The following DNAJC1 variants were observed in gnomAD, a reference collection of about 807,000 sequenced individuals.
The protein encoded by DNAJC1 is dnaJ homolog subfamily C member 1.
A neutral mutation model predicts 76.6 loss-of-function variants in DNAJC1; 58 were observed. That is an observed-to-expected ratio of 0.76 (90% CI 0.61 to 0.94). The LOEUF (loss-of-function observed/expected upper bound fraction) is 0.94. DNAJC1 is among the 40% of genes least tolerant of loss of function. DNAJC1 has a pLI of 0.00. For missense variants in DNAJC1, 689 were observed against 677.3 expected (o/e 1.02, Z -0.19); for synonymous variants, 258 against 267.9 (o/e 0.96, Z 0.36).
chr10:21,811,135 G>A (rs777413542), intron 8 of DNAJC1, among the ~76,000 whole-genome samples: 4 of 152,090 alleles, frequency 2.6e-5, no homozygotes, highest in Non-Finnish European at 5.9e-5. Context: ...CACTCACTCG[G>A]GACATACAAA....
intron 8 of DNAJC1, among the ~76,000 whole-genome samples, chr10:21,878,004 C>A (rs898675178): frequency 3.9e-5 from 6 of 152,150 alleles, no homozygotes; most frequent in South Asian, 2.1e-4. Flanking sequence ...TTTATCAATA[C>A]CCTAAGTTCA....
chr10:21,826,228 G>C (rs1354222323), intron 8 of DNAJC1, among the ~76,000 whole-genome samples: 7 of 12,090 alleles, frequency 5.8e-4, no homozygotes, highest in Non-Finnish European at 9.8e-4. Context: ...ACAAGAATGA[G>C]ACTTTGTCCA....
At chr10:21,796,910 GTTAA>G (rs1186190191) in intron 9 of DNAJC1, among the ~76,000 whole-genome samples, 4 of 152,070 alleles carry the variant, frequency 2.6e-5, no homozygotes, top group African/African-American at 7.2e-5. Flanking sequence ...TCTTCACTCT[GTTAA>G]TTGTTTTCTT....
intron 3 of DNAJC1, among the ~76,000 whole-genome samples, chr10:21,925,254 C>T (rs1837109505): frequency 6.6e-6 from 1 of 152,128 alleles, no homozygotes; most frequent in Admixed American, 6.5e-5. Flanking sequence ...TCAAGCGATC[C>T]TCCCACCTCA....
intron 8 of DNAJC1, among the ~76,000 whole-genome samples, chr10:21,856,733 A>G (rs1405874912): frequency 4.0e-5 from 6 of 151,870 alleles, no homozygotes; most frequent in Admixed American, 1.3e-4. Flanking sequence ...TGACACATAG[A>G]AAAAAAAATT....
At chr10:21,876,115 AT>A (rs774939480) in intron 8 of DNAJC1, among the ~76,000 whole-genome samples, 326 of 143,450 alleles carry the variant, frequency 2.3e-3, no homozygotes, top group Middle Eastern at 3.6e-3. Flanking sequence ...AAAAACGTTA[AT>A]TTTTTTTTTT....
Position 21,930,424 on chromosome 10 carries a change from T to C in DNAJC1, c.223-1283A>G, listed in dbSNP as rs181338713. ...TCCAAAAACTATTAAGAAGTTCAAA[T>C]GATGAAAACACCAAACCAAACCAAC... is the stretch of plus-strand genomic sequence containing the variant. On this transcript the variant is annotated intron_variant, in intron 1 of 11. Coordinates refer to ENST00000376980, the MANE Select transcript of DNAJC1 (RefSeq NM_022365.4). Among the ~76,000 whole-genome samples, 396 of 152,316 alleles carry C rather than the reference T, an allele frequency of 2.6e-3. 6 individuals carry two copies. The highest frequency in any genetic ancestry group is 0.024 in the Admixed American group (369 of 15,302).
At chr10:21,916,492 A>G (rs1354722624) in intron 6 of DNAJC1, among the ~76,000 whole-genome samples, 1 of 152,222 alleles carries the variant, frequency 6.6e-6, no homozygotes, top group Non-Finnish European at 1.5e-5. Flanking sequence ...CCGTCTCAAA[A>G]AAAAGAAAAT....
intron 1 of DNAJC1, among the ~76,000 whole-genome samples, chr10:21,977,205 C>CCTTAT (rs1414653537): frequency 6.6e-6 from 1 of 151,846 alleles, no homozygotes; most frequent in African/African-American, 2.4e-5. Flanking sequence ...ACATTCAAGA[C>CCTTAT]CTTATCTTAG....
intron 7 of DNAJC1, among the ~76,000 whole-genome samples, chr10:21,885,613 A>G (rs1836356674): frequency 6.6e-6 from 1 of 152,238 alleles, no homozygotes; most frequent in Non-Finnish European, 1.5e-5. Flanking sequence ...CAGCAAATGC[A>G]AAAGAACCAA....
At chr10:21,976,123 A>T (rs1379197026) in intron 1 of DNAJC1, among the ~76,000 whole-genome samples, 1 of 152,192 alleles carries the variant, frequency 6.6e-6, no homozygotes, top group Non-Finnish European at 1.5e-5. Flanking sequence ...ACCATACAAT[A>T]AGATTTTTTT....
intron 7 of DNAJC1, among the ~76,000 whole-genome samples, chr10:21,898,356 G>A (rs182189851): frequency 6.6e-6 from 1 of 152,204 alleles, no homozygotes; most frequent in Non-Finnish European, 1.5e-5. Context: ...CATATATGAT[G>A]GTGGCCCATA....
intron 1 of DNAJC1, among the ~76,000 whole-genome samples, chr10:21,985,417 T>C (rs1838228757): frequency 6.6e-6 from 1 of 152,120 alleles, no homozygotes; most frequent in Non-Finnish European, 1.5e-5. Flanking sequence ...ACTCAGCTAA[T>C]TTCGTATTTT....
chr10:21,861,319 G>T (rs1052885221), intron 8 of DNAJC1, among the ~76,000 whole-genome samples: 2 of 152,024 alleles, frequency 1.3e-5, no homozygotes, highest in African/African-American at 4.8e-5. Flanking sequence ...TAATCCAAAA[G>T]AAAGCAAAAG....
chr10:21,939,585 G>A (rs573247086), intron 1 of DNAJC1, among the ~76,000 whole-genome samples: 11 of 152,192 alleles, frequency 7.2e-5, no homozygotes, highest in Non-Finnish European at 1.5e-4. Context: ...ACAATTGCCT[G>A]CAGTATTTAG....
At chr10:21,936,403 T>C (rs1174608105) in intron 1 of DNAJC1, among the ~76,000 whole-genome samples, 1 of 152,210 alleles carries the variant, frequency 6.6e-6, no homozygotes, top group Non-Finnish European at 1.5e-5. Context: ...ATAAAAGTCA[T>C]TATTAATGCA....
intron 1 of DNAJC1, among the ~76,000 whole-genome samples, chr10:21,959,022 G>A (rs1270770547): frequency 6.6e-6 from 1 of 152,102 alleles, no homozygotes; most frequent in Non-Finnish European, 1.5e-5. Flanking sequence ...TCTCAGTACA[G>A]AATGCATGGA....
chr10:21,763,073 G>T (rs1756454194), intron 10 of DNAJC1, among the ~76,000 whole-genome samples: 1 of 152,124 alleles, frequency 6.6e-6, no homozygotes, highest in Non-Finnish European at 1.5e-5. Context: ...TGAGACCACA[G>T]GCATGGGCCA....
intron 9 of DNAJC1, among the ~76,000 whole-genome samples, chr10:21,772,108 A>C (rs1423902927): frequency 6.6e-6 from 1 of 151,972 alleles, no homozygotes; most frequent in African/African-American, 2.4e-5. Flanking sequence ...CATGGTGATA[A>C]TTCTTTTTAT....
Sources: allele counts gnomAD v4.1 joint callset (sites outside exome capture counted in the v4.1 genomes callset), GRCh38; gene constraint gnomAD v4.1.1; transcripts MANE v1.5; gene names NCBI Gene and HGNC (gene_info 2026-07-23, HGNC 2026-07-21).